GTF2B: variants seen among roughly 807,000 people sequenced by gnomAD.
GTF2B encodes transcription initiation factor IIB.
Under a neutral mutation model 34.6 loss-of-function variants are expected in GTF2B, and 20 were observed. The observed-to-expected ratio is 0.58, with a 90% CI of 0.41 to 0.84. The LOEUF (loss-of-function observed/expected upper bound fraction) is 0.84, where lower values mean the gene tolerates loss of function less well. Ranked by LOEUF, GTF2B falls within the 40% of genes least tolerant of loss-of-function variation. The probability of loss-of-function intolerance (pLI) is 0.00; values close to 1 mark genes in which losing one functional copy is unlikely to be tolerated. For missense variants in GTF2B, 237 were observed against 393.3 expected (o/e 0.60, Z 3.36); for synonymous variants, 142 against 132.4 (o/e 1.07, Z -0.50).
At chr1:88,862,691 T>C (rs1467690014) in intron 3 of GTF2B, among the ~76,000 whole-genome samples, 4 of 151,860 alleles carry the variant, frequency 2.6e-5, no homozygotes, top group Non-Finnish European at 5.9e-5. Context: ...CAGGCTGGAG[T>C]GCAGTCGCGC....
intron 2 of GTF2B, among the ~76,000 whole-genome samples, chr1:88,880,210 C>A (rs997750247): frequency 6.6e-6 from 1 of 151,998 alleles, no homozygotes; most frequent in African/African-American, 2.4e-5. Flanking sequence ...ATCATGTATA[C>A]CAAGATAATT....
chr1:88,880,295 T>C (rs1673907796), intron 2 of GTF2B, among the ~76,000 whole-genome samples: 1 of 152,150 alleles, frequency 6.6e-6, no homozygotes, highest in Admixed American at 6.5e-5. Flanking sequence ...AAGTCACAAA[T>C]GTTGTCCCTT....
At chr1:88,864,690 G>C (rs1210700076) in intron 2 of GTF2B, among the ~76,000 whole-genome samples, 1 of 152,200 alleles carries the variant, frequency 6.6e-6, no homozygotes, top group African/African-American at 2.4e-5. Context: ...TTTAAGCAAA[G>C]AGGCAGCATC....
At chr1:88,877,716 GAGGTA>G (rs559083147) in intron 2 of GTF2B, among the ~76,000 whole-genome samples, 13 of 152,318 alleles carry the variant, frequency 8.5e-5, no homozygotes, top group African/African-American at 2.9e-4. Flanking sequence ...TGTATCACTT[GAGGTA>G]AGGAGTTTGA....
In GTF2B at chr1:88,857,249, A is replaced by G. The variant is rs1673333158; in HGVS notation, c.774T>C (p.Ile258=). 6.2e-7 allele frequency: 1 copy of G among 1,614,102 alleles called. No individual in the cohort carries two copies. Among genetic ancestry groups the G allele is most frequent in the East Asian group, 2.2e-5 (1 of 44,884 alleles). ...CAGCTGATGCCTGTGAGGCCATGTA[A>G]ATAGCTGCCGCTGCCACAGAGATGG... ...RSPISVAAAA[I]YMASQASAEK... Residue 258 remains isoleucine (I), a synonymous_variant, in exon 6 of 7, where the codon ATT becomes ATC. Coordinates refer to ENST00000370500, the MANE Select transcript of GTF2B (RefSeq NM_001514.6).
At position 88,853,363 on chromosome 1, in the gene GTF2B, G is replaced by A. The variant is rs764636485; in HGVS notation, c.818-17C>T. Reference sequence around the variant, plus strand: ...CTCCAATTTCTAAAAGACAAAAATCGAAACATTAACCATCATTTCCATCCT... The same window carrying A: ...CTCCAATTTCTAAAAGACAAAAATCAAAACATTAACCATCATTTCCATCCT... On this transcript the variant is annotated splice_polypyrimidine_tract_variant and intron_variant, in intron 6 of 6. Transcript: ENST00000370500. 32 of 1,607,824 alleles carry A rather than the reference G, an allele frequency of 2.0e-5. 1 individual carries two copies. The Admixed American group carries it at 4.3e-4, about 22-fold the overall frequency.
intron 2 of GTF2B, among the ~76,000 whole-genome samples, chr1:88,875,848 C>T (rs529668415): frequency 1.3e-5 from 2 of 152,294 alleles, no homozygotes; most frequent in African/African-American, 4.8e-5. Context: ...CAGTGCTTAA[C>T]TGAGACATAT....
At chr1:88,869,517 TATG>T (rs555054572) in intron 2 of GTF2B, among the ~76,000 whole-genome samples, 51 of 152,330 alleles carry the variant, frequency 3.3e-4, no homozygotes, top group Non-Finnish European at 6.2e-4. Flanking sequence ...GTTCATACTA[TATG>T]ATTTCATTCA....
intron 2 of GTF2B, among the ~76,000 whole-genome samples, chr1:88,886,923 ATTATTT>A (rs1300855159): frequency 3.4e-5 from 5 of 147,290 alleles, no homozygotes; most frequent in Non-Finnish European, 7.4e-5. Context: ...TATTATTATT[ATTATTT>A]TTTTTTTGAG....
chr1:88,868,250 C>T (rs1673602243), intron 2 of GTF2B, among the ~76,000 whole-genome samples: 2 of 152,212 alleles, frequency 1.3e-5, no homozygotes, highest in Non-Finnish European at 2.9e-5. Context: ...AAGGAAGCAG[C>T]CAGCCAATTA....
At chr1:88,856,266 C>CAAAAA (rs1673302058) in intron 6 of GTF2B, among the ~76,000 whole-genome samples, 1 of 5,956 alleles carries the variant, frequency 1.7e-4, no homozygotes, top group African/African-American at 8.4e-4. Context: ...GAGACTGTTT[C>CAAAAA]AAAAACAAAA....
At chr1:88,885,955 G>A (rs1674057199) in intron 2 of GTF2B, among the ~76,000 whole-genome samples, 1 of 151,810 alleles carries the variant, frequency 6.6e-6, no homozygotes, top group African/African-American at 2.4e-5. Flanking sequence ...TGCCTCCCAC[G>A]CAGACAATGG....
At chr1:88,871,195 C>T (rs1003517309) in intron 2 of GTF2B, among the ~76,000 whole-genome samples, 2 of 152,246 alleles carry the variant, frequency 1.3e-5, no homozygotes, top group Admixed American at 6.5e-5. Context: ...AGCCACTGCA[C>T]CCAGCCCATA....
At chr1:88,880,996 GA>G (rs1673923899) in intron 2 of GTF2B, among the ~76,000 whole-genome samples, 1 of 134,648 alleles carries the variant, frequency 7.4e-6, no homozygotes, top group Non-Finnish European at 1.5e-5. Flanking sequence ...GTGACAGAGC[GA>G]GATGCTGTCT....
At chr1:88,861,423 A>C (rs1673438315) in intron 3 of GTF2B, among the ~76,000 whole-genome samples, 3 of 152,234 alleles carry the variant, frequency 2.0e-5, no homozygotes, top group African/African-American at 7.2e-5. Context: ...CTGGCACTTT[A>C]GGAGGCTGAG....
intron 2 of GTF2B, among the ~76,000 whole-genome samples, chr1:88,874,068 C>T (rs181173458): frequency 3.3e-4 from 50 of 152,222 alleles, no homozygotes; most frequent in African/African-American, 1.2e-3. Context: ...TGAAGGGAAT[C>T]GCAAACAAAG....
At chr1:88,871,450 T>C (rs539930506) in intron 2 of GTF2B, among the ~76,000 whole-genome samples, 1 of 152,282 alleles carries the variant, frequency 6.6e-6, no homozygotes, top group African/African-American at 2.4e-5. Flanking sequence ...CCAGTTACCA[T>C]GGATGGGGGA....
At chr1:88,875,729 G>GAT (rs1200503955) in intron 2 of GTF2B, among the ~76,000 whole-genome samples, 1 of 152,160 alleles carries the variant, frequency 6.6e-6, no homozygotes, top group Non-Finnish European at 1.5e-5. Flanking sequence ...TTTTACCGCG[G>GAT]ATACTGTATT....
intron 3 of GTF2B, among the ~76,000 whole-genome samples, chr1:88,862,994 T>C (rs1209344851): frequency 6.6e-6 from 1 of 150,516 alleles, no homozygotes; most frequent in Non-Finnish European, 1.5e-5. Context: ...TGCAATAGTA[T>C]ACATGAAGTT....
Sources: gnomAD v4.1 joint callset for allele counts (sites outside exome capture counted in the v4.1 genomes callset) on GRCh38, gnomAD v4.1.1 for gene constraint, MANE v1.5 for transcripts, NCBI Gene and HGNC (gene_info 2026-07-23, HGNC 2026-07-21) for gene names.